POLQ: variants seen among roughly 807,000 people sequenced by gnomAD.
The protein encoded by POLQ is DNA polymerase theta.
POLQ carries 233 observed loss-of-function variants against 259.2 expected under a neutral mutation model. The observed-to-expected ratio is 0.90, with a 90% CI of 0.81 to 1.00. POLQ has a LOEUF of 1.00. Among genes scored for constraint, POLQ ranks in the 50% least tolerant of loss-of-function variants. The pLI is 0.00. For missense variants in POLQ, 2,871 were observed against 3,051.6 expected (o/e 0.94, Z 1.39); for synonymous variants, 1,025 against 1,048.8 (o/e 0.98, Z 0.44).
chr3:121,441,591 C>A (rs2047592906), intron 26 of POLQ, among the ~76,000 whole-genome samples: 1 of 152,204 alleles, frequency 6.6e-6, no homozygotes, highest in Non-Finnish European at 1.5e-5. Flanking sequence ...TTGATCTATA[C>A]TACTCTGTTG....
intron 28 of POLQ, among the ~76,000 whole-genome samples, 168 bp downstream of exon 28, chr3:121,435,954 A>G (rs2047539829): frequency 6.6e-6 from 1 of 152,236 alleles, no homozygotes; most frequent in African/African-American, 2.4e-5. Flanking sequence ...ATAACCCACA[A>G]AAACAAGAGC....
chr3:121,491,334 G>A (rs1171284676), intron 15 of POLQ, among the ~76,000 whole-genome samples: 27 of 117,388 alleles, frequency 2.3e-4, no homozygotes, highest in African/African-American at 8.1e-4. Flanking sequence ...GGGCGACAGA[G>A]CGAGACTGTC....
intron 24 of POLQ, among the ~76,000 whole-genome samples, chr3:121,463,136 T>C (rs2047806319): frequency 6.6e-6 from 1 of 152,174 alleles, no homozygotes; most frequent in African/African-American, 2.4e-5. Context: ...TCACCTTGAA[T>C]TGTAACAAAA....
chr3:121,537,432 ATAGT>A (rs2048458746), intron 4 of POLQ, among the ~76,000 whole-genome samples: 3 of 152,304 alleles, frequency 2.0e-5, no homozygotes, highest in African/African-American at 7.2e-5. Flanking sequence ...CTATTATTAA[ATAGT>A]TAGTTTTTCA....
intron 14 of POLQ, among the ~76,000 whole-genome samples, chr3:121,495,525 T>C (rs901403293): frequency 3.3e-5 from 5 of 152,052 alleles, no homozygotes; most frequent in Admixed American, 6.6e-5. Flanking sequence ...CAGTCTTTCA[T>C]CTTTGATACC....
At chr3:121,443,366 G>A (rs1490643516) in intron 26 of POLQ, among the ~76,000 whole-genome samples, 1 of 152,186 alleles carries the variant, frequency 6.6e-6, no homozygotes, top group Non-Finnish European at 1.5e-5. Flanking sequence ...ATGATGTTGA[G>A]CACCTTTTCA....
At chr3:121,454,994 T>A (rs560878579) in intron 25 of POLQ, among the ~76,000 whole-genome samples, 111 of 151,540 alleles carry the variant, frequency 7.3e-4, no homozygotes, top group African/African-American at 2.6e-3. Flanking sequence ...ATAGCACTCC[T>A]CAGCAAATGT....
At chr3:121,493,069 A>AG (rs2048081853) in intron 15 of POLQ, among the ~76,000 whole-genome samples, 1 of 152,126 alleles carries the variant, frequency 6.6e-6, no homozygotes, top group Non-Finnish European at 1.5e-5. Flanking sequence ...TGGGAGGCTG[A>AG]GGCAGGGGGA....
At chr3:121,455,251 A>G (rs1326801669) in intron 25 of POLQ, among the ~76,000 whole-genome samples, 1 of 145,582 alleles carries the variant, frequency 6.9e-6, no homozygotes, top group East Asian at 2.0e-4. Flanking sequence ...AGGGAAATTT[A>G]TAGCACTAAA....
At chr3:121,509,411 A>G (rs544794339) in intron 12 of POLQ, 150 bp downstream of exon 12, 10 of 471,524 alleles carry the variant, frequency 2.1e-5, no homozygotes, top group African/African-American at 8.0e-5. Flanking sequence ...TAAAACAATT[A>G]TCTTCTTACC....
At chr3:121,530,999 C>T (rs988839248) in intron 6 of POLQ, among the ~76,000 whole-genome samples, 2 of 152,040 alleles carry the variant, frequency 1.3e-5, no homozygotes, top group African/African-American at 4.8e-5. Context: ...ACCAGCCTGA[C>T]CAACATGGAG....
chr3:121,498,469 A>C lies in POLQ; in HGVS notation c.2153+8T>G. Reference sequence around the variant, plus strand: ...AATACCGGAGAGCCCAGAGACCTTGACGTTTACCTTTTATGGATGGCCATT... The same window carrying C: ...AATACCGGAGAGCCCAGAGACCTTGCCGTTTACCTTTTATGGATGGCCATT... On this transcript the variant is annotated splice_region_variant and intron_variant, in intron 13 of 29. Transcript: ENST00000264233. 1 of 1,608,766 alleles carries C rather than the reference A, an allele frequency of 6.2e-7. No individual in the cohort carries two copies. Among genetic ancestry groups the C allele is most frequent in the Non-Finnish European group, 8.5e-7 (1 of 1,175,782 alleles).
chr3:121,520,195 T>C (rs1018551206), intron 8 of POLQ, 112 bp from the exon 9 acceptor site: 2 of 668,092 alleles, frequency 3.0e-6, no homozygotes, highest in African/African-American at 1.8e-5. Flanking sequence ...TTTTTGAAAC[T>C]ATTGTTATGA....
intron 13 of POLQ, among the ~76,000 whole-genome samples, chr3:121,497,743 A>G (rs574890797): frequency 5.3e-5 from 8 of 152,202 alleles, no homozygotes; most frequent in African/African-American, 1.9e-4. Flanking sequence ...AGCCAATTTC[A>G]TTATATTTCA....
chr3:121,542,785 C>G (rs1361468900), intron 2 of POLQ, among the ~76,000 whole-genome samples: 1 of 152,102 alleles, frequency 6.6e-6, no homozygotes, highest in African/African-American at 2.4e-5. Context: ...GTGCCACCCC[C>G]ATCTCTACAA....
chr3:121,526,933 T>A (rs1200376365), intron 7 of POLQ, among the ~76,000 whole-genome samples: 1 of 152,112 alleles, frequency 6.6e-6, no homozygotes, highest in Non-Finnish European at 1.5e-5. Context: ...AGGATCTCAC[T>A]CTGCCACCCA....
chr3:121,475,816 C>G (rs567239553), intron 20 of POLQ, among the ~76,000 whole-genome samples: 1 of 152,190 alleles, frequency 6.6e-6, no homozygotes, highest in African/African-American at 2.4e-5. Flanking sequence ...ACAAGGGCAG[C>G]AATTCTTGCC....
intron 3 of POLQ, 60 bp from the exon 4 acceptor site, chr3:121,539,649 C>G: frequency 2.3e-6 from 3 of 1,276,616 alleles, no homozygotes; most frequent in South Asian, 2.5e-5. Context: ...GAGTTATAAA[C>G]TGGTTCTATC....
chr3:121,459,369 ATTTTTTT>A (rs58859161), intron 25 of POLQ, among the ~76,000 whole-genome samples: 127 of 104,760 alleles, frequency 1.2e-3, no homozygotes, highest in African/African-American at 3.8e-3. Context: ...GACTAGAAAG[ATTTTTTT>A]TTTTTTTTTT....
Sources: gnomAD v4.1 joint callset for allele counts (sites outside exome capture counted in the v4.1 genomes callset) on GRCh38, gnomAD v4.1.1 for gene constraint, MANE v1.5 for transcripts, NCBI Gene and HGNC (gene_info 2026-07-23, HGNC 2026-07-21) for gene names.